The following RAP1GDS1 variants were observed in gnomAD, a reference collection of about 807,000 sequenced individuals.
RAP1GDS1 encodes Rap1 GTPase-GDP dissociation stimulator 1.
RAP1GDS1 carries 35 observed loss-of-function variants against 71.1 expected under a neutral mutation model. That is an observed-to-expected ratio of 0.49 (90% CI 0.38 to 0.65). The LOEUF is 0.65. Ranked by LOEUF, RAP1GDS1 falls within the 30% of genes least tolerant of loss-of-function variation. RAP1GDS1 has a pLI of 0.00. For missense variants in RAP1GDS1, 663 were observed against 706.1 expected (o/e 0.94, Z 0.69); for synonymous variants, 229 against 243.1 (o/e 0.94, Z 0.54).
chr4:98,402,597 G>A (rs767629492), intron 6 of RAP1GDS1, among the ~76,000 whole-genome samples: 3 of 152,124 alleles, frequency 2.0e-5, no homozygotes, highest in Non-Finnish European at 4.4e-5. Flanking sequence ...CGTTGACAAT[G>A]TGCACCAAAG....
chr4:98,296,928 AT>A, intron 2 of RAP1GDS1: 1 of 374,624 alleles, frequency 2.7e-6, no homozygotes, highest in African/African-American at 2.7e-5. Flanking sequence ...GATGAAGACC[AT>A]TTTGTGTTGC....
At chr4:98,325,453 C>T (rs1330611811) in intron 2 of RAP1GDS1, among the ~76,000 whole-genome samples, 3 of 151,816 alleles carry the variant, frequency 2.0e-5, no homozygotes, top group African/African-American at 7.3e-5. Flanking sequence ...AATCATGCTG[C>T]TATAAAGACA....
chr4:98,299,595 T>A (rs1489156021), intron 2 of RAP1GDS1, among the ~76,000 whole-genome samples: 1 of 152,002 alleles, frequency 6.6e-6, no homozygotes, highest in Non-Finnish European at 1.5e-5. Flanking sequence ...AGGAGTCACT[T>A]CTTATAGATG....
intron 1 of RAP1GDS1, among the ~76,000 whole-genome samples, chr4:98,286,607 A>G (rs1726056918): frequency 2.0e-5 from 3 of 152,124 alleles, no homozygotes; most frequent in African/African-American, 7.2e-5. Flanking sequence ...GAATGAGGCC[A>G]GGCGCGGTGG....
At chr4:98,309,518 AT>A (rs202049706) in intron 2 of RAP1GDS1, among the ~76,000 whole-genome samples, 10,003 of 152,058 alleles carry the variant, frequency 0.066, 363 homozygotes, top group Admixed American at 0.13. Context: ...AATAATGGAA[AT>A]ATTAAATACA....
chr4:98,440,493 C>G (rs945486427), intron 14 of RAP1GDS1, among the ~76,000 whole-genome samples: 1 of 152,214 alleles, frequency 6.6e-6, no homozygotes, highest in Non-Finnish European at 1.5e-5. Context: ...ATTATCATTT[C>G]TCAACATCCT....
intron 6 of RAP1GDS1, among the ~76,000 whole-genome samples, chr4:98,394,698 T>TGAA (rs1033037367): frequency 9.9e-5 from 15 of 152,148 alleles, no homozygotes; most frequent in African/African-American, 3.6e-4. Flanking sequence ...ACATGAATAT[T>TGAA]GAAGTATTTT....
Position 98,421,288 on chromosome 4 carries a change from A to C in RAP1GDS1, c.1334A>C (p.Lys445Thr). Residue 445 changes from lysine (K) to threonine (T), a missense_variant, in exon 12 of 15, where the codon AAG (lysine) becomes ACG (threonine). Physicochemically the swap from Lys to Thr is moderately conservative, Grantham distance 78. Transcript: ENST00000408927. Reference protein sequence around the residue: ...EAAEQLGKNVKLVERLVEWCE... With the variant: ...EAAEQLGKNVTLVERLVEWCE... Reference sequence around the variant, plus strand: ...GCTGAACAATTGGGAAAGAATGTTAAGTTAGTGGAGCGTTTGGTGGAATGG... The same window carrying C: ...GCTGAACAATTGGGAAAGAATGTTACGTTAGTGGAGCGTTTGGTGGAATGG... 6.2e-7 allele frequency: 1 copy of C among 1,610,886 alleles called. No homozygotes were observed. Among genetic ancestry groups the C allele is most frequent in the Non-Finnish European group, 8.5e-7 (1 of 1,178,116 alleles).
chr4:98,267,539 T>A (rs1011484574), intron 1 of RAP1GDS1, among the ~76,000 whole-genome samples: 1 of 152,146 alleles, frequency 6.6e-6, no homozygotes, highest in Non-Finnish European at 1.5e-5. Flanking sequence ...GTTCCCATCT[T>A]TATGTCCATA....
chr4:98,371,201 C>G (rs1740327391), intron 4 of RAP1GDS1, among the ~76,000 whole-genome samples: 1 of 150,464 alleles, frequency 6.6e-6, no homozygotes, highest in Admixed American at 6.6e-5. Flanking sequence ...CAGGCTTCAT[C>G]TCCCGGGTTC....
chr4:98,329,531 T>C (rs974375058), intron 2 of RAP1GDS1, among the ~76,000 whole-genome samples: 1 of 152,194 alleles, frequency 6.6e-6, no homozygotes, highest in Non-Finnish European at 1.5e-5. Flanking sequence ...GGCTCATGCC[T>C]GTAATCCCAA....
intron 4 of RAP1GDS1, among the ~76,000 whole-genome samples, chr4:98,353,957 A>G (rs940568360): frequency 6.6e-6 from 1 of 152,210 alleles, no homozygotes; most frequent in Non-Finnish European, 1.5e-5. Flanking sequence ...GTAATAGTCA[A>G]AAGATTAGTG....
intron 4 of RAP1GDS1, among the ~76,000 whole-genome samples, chr4:98,366,941 C>A (rs151215513): frequency 6.6e-6 from 1 of 152,308 alleles, no homozygotes; most frequent in East Asian, 1.9e-4. Context: ...AAAGAAAATT[C>A]TATTTTTCTG....
intron 7 of RAP1GDS1, among the ~76,000 whole-genome samples, chr4:98,415,634 A>T (rs577308204): frequency 6.6e-6 from 1 of 152,324 alleles, no homozygotes; most frequent in South Asian, 2.1e-4. Context: ...GAATACTTAA[A>T]GATATTAGAA....
At chr4:98,308,092 A>T (rs1729605044) in intron 2 of RAP1GDS1, among the ~76,000 whole-genome samples, 1 of 151,752 alleles carries the variant, frequency 6.6e-6, no homozygotes, top group South Asian at 2.1e-4. Context: ...GAGGAGTTTG[A>T]GACTAGCCTG....
chr4:98,310,741 T>TA (rs1347735832), intron 2 of RAP1GDS1, among the ~76,000 whole-genome samples: 1 of 152,124 alleles, frequency 6.6e-6, no homozygotes, highest in Non-Finnish European at 1.5e-5. Flanking sequence ...CCAAGCCACA[T>TA]ATGGTTATTG....
intron 1 of RAP1GDS1, among the ~76,000 whole-genome samples, chr4:98,292,854 A>G (rs1165629486): frequency 6.6e-6 from 1 of 152,194 alleles, no homozygotes; most frequent in Admixed American, 6.5e-5. Context: ...TTAGGAAGAA[A>G]GCATAGCTTT....
intron 2 of RAP1GDS1, among the ~76,000 whole-genome samples, chr4:98,309,248 C>T (rs1729843852): frequency 6.6e-6 from 1 of 151,726 alleles, no homozygotes; most frequent in Non-Finnish European, 1.5e-5. Context: ...ACACATTTAA[C>T]CGGAAAAAGA....
At chr4:98,317,609 A>C (rs1178078881) in intron 2 of RAP1GDS1, among the ~76,000 whole-genome samples, 1 of 152,066 alleles carries the variant, frequency 6.6e-6, no homozygotes, top group East Asian at 1.9e-4. Flanking sequence ...GAAATATTGC[A>C]TGTGGGAAGA....
Sources: allele counts gnomAD v4.1 joint callset (sites outside exome capture counted in the v4.1 genomes callset), GRCh38; gene constraint gnomAD v4.1.1; transcripts MANE v1.5; gene names NCBI Gene and HGNC (gene_info 2026-07-23, HGNC 2026-07-21).